Variants in JDP2 observed in about 807,000 individuals in gnomAD.
The protein encoded by JDP2 is progesterone receptor co-activator.
Under a neutral mutation model 17.1 loss-of-function variants are expected in JDP2, and 9 were observed. The ratio of observed to expected loss-of-function variants is 0.53; its 90% CI spans 0.32 to 0.92. The LOEUF (loss-of-function observed/expected upper bound fraction) is 0.92. Among genes scored for constraint, JDP2 ranks in the 40% least tolerant of loss-of-function variants. JDP2 has a pLI of 0.04. For synonymous variants in JDP2, 107 were observed against 95.6 expected, an observed-to-expected ratio of 1.12 and a Z score of -0.69; for missense variants, 179 against 220.0, an observed-to-expected ratio of 0.81 and a Z score of 1.18.
At chr14:75,439,417 C>T (rs1885232237) in intron 2 of JDP2, among the ~76,000 whole-genome samples, 1 of 152,264 alleles carries the variant, frequency 6.6e-6, no homozygotes, top group Non-Finnish European at 1.5e-5. Context: ...TCTCATCATA[C>T]ACTACCCTGT....
At chr14:75,465,384 T>A (rs1886526356) in intron 3 of JDP2, among the ~76,000 whole-genome samples, 1 of 152,194 alleles carries the variant, frequency 6.6e-6, no homozygotes, top group Admixed American at 6.5e-5. Flanking sequence ...CAGGCTGGAG[T>A]GCAGTAGCAT....
chr14:75,440,416 G>T (rs1885287828), intron 2 of JDP2, among the ~76,000 whole-genome samples: 1 of 152,230 alleles, frequency 6.6e-6, no homozygotes, highest in South Asian at 2.1e-4. Flanking sequence ...TGCAGCTGAA[G>T]AATCTATGGT....
chr14:75,458,112 G>T (rs1232710835), intron 2 of JDP2, among the ~76,000 whole-genome samples: 1 of 152,194 alleles, frequency 6.6e-6, no homozygotes, highest in Non-Finnish European at 1.5e-5. Context: ...GCTTGTGGTA[G>T]GATGCGATGG....
intron 2 of JDP2, among the ~76,000 whole-genome samples, chr14:75,457,242 C>T (rs373590376): frequency 6.6e-6 from 1 of 152,246 alleles, no homozygotes; most frequent in Non-Finnish European, 1.5e-5. Flanking sequence ...TACTCTCTGC[C>T]GTCTTTCTCC....
intron 1 of JDP2, 27 bp from the exon 2 acceptor site, chr14:75,437,871 G>A: frequency 6.6e-7 from 1 of 1,522,368 alleles, no homozygotes; most frequent in Non-Finnish European, 8.9e-7. Flanking sequence ...CTGGCTGACT[G>A]TCCTGCTCTT....
At chr14:75,445,055 C>G (rs1239616572) in intron 2 of JDP2, 34 of 979,332 alleles carry the variant, frequency 3.5e-5, no homozygotes, top group Non-Finnish European at 4.0e-5. Context: ...GTCAAGTCTT[C>G]TGTCAATCCT....
intron 3 of JDP2, among the ~76,000 whole-genome samples, chr14:75,465,395 A>G (rs1886527382): frequency 6.6e-6 from 1 of 152,168 alleles, no homozygotes; most frequent in Non-Finnish European, 1.5e-5. Context: ...GCAGTAGCAT[A>G]GTCATAGCTC....
chr14:75,454,794 A>C (rs906859375), intron 2 of JDP2, among the ~76,000 whole-genome samples: 3 of 152,044 alleles, frequency 2.0e-5, no homozygotes, highest in African/African-American at 7.2e-5. Context: ...GAGAGGAAGA[A>C]GGCCCATTGT....
chr14:75,461,357 A>G (rs576403634), intron 2 of JDP2, 69 bp from the exon 3 acceptor site: 11 of 1,157,856 alleles, frequency 9.5e-6, no homozygotes, highest in East Asian at 4.9e-5. Context: ...CCCTCTGTCT[A>G]TGTGTCAGGA....
At position 75,439,707 on chromosome 14, in the gene JDP2, T is replaced by C. The variant is rs574269613; in HGVS notation, c.201+1586T>C. On this transcript the variant is annotated intron_variant, in intron 2 of 3. Coordinates refer to ENST00000651602, the MANE Select transcript of JDP2 (RefSeq NM_001135048.2). ...TGATTACATTCTTCTGAATTGATCTTGTAAGCCAATGTGTCGTTGGGGCAC... is the reference window on the plus strand; with the variant it reads ...TGATTACATTCTTCTGAATTGATCTCGTAAGCCAATGTGTCGTTGGGGCAC... Among the ~76,000 whole-genome samples, 17 of 152,364 alleles carry C rather than the reference T, an allele frequency of 1.1e-4. No homozygotes were observed. The Middle Eastern group carries it at 0.014, about 122-fold the overall frequency.
intron 1 of JDP2, among the ~76,000 whole-genome samples, chr14:75,436,543 C>T (rs1885072118): frequency 6.6e-6 from 1 of 152,216 alleles, no homozygotes; most frequent in Admixed American, 6.5e-5. Flanking sequence ...AATCTAAGAG[C>T]AGTTTTGTAC....
chr14:75,452,807 G>C (rs936358708), intron 2 of JDP2, among the ~76,000 whole-genome samples: 4 of 152,150 alleles, frequency 2.6e-5, no homozygotes, highest in Admixed American at 6.5e-5. Context: ...GAGGTGATGT[G>C]AGTCTGCAAC....
At chr14:75,450,501 C>T (rs1051828902) in intron 2 of JDP2, among the ~76,000 whole-genome samples, 6 of 152,326 alleles carry the variant, frequency 3.9e-5, no homozygotes, top group East Asian at 1.9e-4. Context: ...CCATGGGAGC[C>T]GAGTGACTCA....
intron 2 of JDP2, among the ~76,000 whole-genome samples, chr14:75,455,485 G>A (rs1886061498): frequency 6.6e-6 from 1 of 152,124 alleles, no homozygotes; most frequent in Non-Finnish European, 1.5e-5. Context: ...TGTGCCCCAG[G>A]TGGCTCATCT....
chr14:75,469,412 C>A lies in JDP2; in HGVS notation c.429C>A (p.Thr143=). 1 of 1,614,078 alleles carries A rather than the reference C, an allele frequency of 6.2e-7. No individual in the cohort carries two copies. The highest frequency in any genetic ancestry group is 8.5e-7 in the Non-Finnish European group (1 of 1,180,002). Residue 143 remains threonine, a synonymous_variant, in exon 4 of 4, where the codon ACC becomes ACA. Transcript: ENST00000651602. ...ACCGCCCCACCTGCATCGTCCGGAC[C>A]GACAGTGTCAAGACCCCCGAGTCAG... ...NRHRPTCIVR[T]DSVKTPESEG...
intron 2 of JDP2, among the ~76,000 whole-genome samples, chr14:75,461,112 A>G (rs138137988): frequency 6.6e-6 from 1 of 152,288 alleles, no homozygotes; most frequent in Admixed American, 6.5e-5. Flanking sequence ...CACCTCTTAA[A>G]GGTGTCACCT....
In JDP2 at chr14:75,462,965, C is replaced by T. The variant is rs146723856; in HGVS notation, c.306+1435C>T. 1.6e-4 allele frequency among the ~76,000 whole-genome samples: 25 copies of T among 152,324 alleles called. No individual in the cohort carries two copies. The East Asian group carries it at 3.5e-3, about 21-fold the overall frequency. On this transcript the variant is annotated intron_variant, in intron 3 of 3. Transcript: ENST00000651602. The stretch of plus-strand genomic sequence containing the variant: ...GAATCTTCAGGAAGTTTCTAAGACA[C>T]GAGCCTTCAAGATGGATGAAGTGCC...
At chr14:75,468,051 C>A (rs1251423973) in intron 3 of JDP2, among the ~76,000 whole-genome samples, 1 of 152,096 alleles carries the variant, frequency 6.6e-6, no homozygotes, top group African/African-American at 2.4e-5. Context: ...GTTCTGGGGA[C>A]CCCCTGGGGA....
At chr14:75,466,662 C>G (rs1256068525) in intron 3 of JDP2, among the ~76,000 whole-genome samples, 1 of 152,194 alleles carries the variant, frequency 6.6e-6, no homozygotes, top group African/African-American at 2.4e-5. Flanking sequence ...GGAGGCAGAT[C>G]TATGTGTGCA....
Sources: gnomAD v4.1 joint callset for allele counts (sites outside exome capture counted in the v4.1 genomes callset) on GRCh38, gnomAD v4.1.1 for gene constraint, MANE v1.5 for transcripts, NCBI Gene and HGNC (gene_info 2026-07-23, HGNC 2026-07-21) for gene names.